The following HELZ2 variants were observed in gnomAD, a reference collection of about 807,000 sequenced individuals.
HELZ2 encodes helicase with zinc finger 2.
Under a neutral mutation model 208.8 loss-of-function variants are expected in HELZ2, and 143 were observed. That is an observed-to-expected ratio of 0.68 (90% CI 0.60 to 0.79). The LOEUF (loss-of-function observed/expected upper bound fraction) is 0.79, where lower values mean the gene tolerates loss of function less well. Ranked by LOEUF, HELZ2 falls within the 30% of genes least tolerant of loss-of-function variation. The pLI, the probability that HELZ2 is intolerant of heterozygous loss-of-function variation, is 0.00. For missense variants in HELZ2, 3,690 were observed against 3,794.5 expected, an observed-to-expected ratio of 0.97 and a Z score of 0.72; for synonymous variants, 1,705 against 1,693.7, an observed-to-expected ratio of 1.01 and a Z score of -0.16.
chr20:63,562,722 T>A, exon 8 of HELZ2: 1 of 1,601,892 alleles, frequency 6.2e-7, no homozygotes, highest in Non-Finnish European at 8.5e-7. Flanking sequence ...GGGTCAACAT[T>A]CAGGCCAGGG....
At chr20:63,566,203 G>A (rs1348915510) in exon 8 of HELZ2, 2 of 1,507,844 alleles carry the variant, frequency 1.3e-6, no homozygotes, top group South Asian at 2.6e-5. Context: ...TGTGCACAGT[G>A]CTGAGCACCA....
At position 63,561,899 on chromosome 20, in the gene HELZ2, G is replaced by GT; in HGVS notation, c.6614_6615insA (p.Arg2206ProfsTer42). 1 of 1,582,546 alleles carries GT rather than the reference G, an allele frequency of 6.3e-7. No individual in the cohort carries two copies. Among genetic ancestry groups the GT allele is most frequent in the Non-Finnish European group, 8.6e-7 (1 of 1,164,064 alleles). ...GACCCCCCAGCCGCTTCTCCCCACGGGGGGGGCCTCCGGGCTGCACCTGCT... is the reference window on the plus strand; with the variant it reads ...GACCCCCCAGCCGCTTCTCCCCACGGTGGGGGGCCTCCGGGCTGCACCTGCT... On this transcript the variant is annotated frameshift_variant, in exon 11 of 19. Coordinates refer to ENST00000467148, the Ensembl canonical transcript of HELZ2. LOFTEE classifies it high-confidence loss of function.
chr20:63,560,999 G>A lies in HELZ2; in HGVS notation c.7147-70C>T, dbSNP rs146867999. 0.032 allele frequency: 50,298 copies of A among 1,594,884 alleles called. 1,284 individuals are homozygous for A. Among genetic ancestry groups the A allele is most frequent in the South Asian group, 0.1 (9,018 of 89,254 alleles). On this transcript the variant is annotated intron_variant, in intron 14 of 18. Coordinates refer to ENST00000467148, the Ensembl canonical transcript of HELZ2. Reference sequence around the variant, plus strand: ...GGGACCCCAGCCCCACACGACACCCGCGTCTGCACACACAGGGCACCCCAG... The same window carrying A: ...GGGACCCCAGCCCCACACGACACCCACGTCTGCACACACAGGGCACCCCAG...
At position 63,567,309 on chromosome 20, in the gene HELZ2, A is replaced by T; in HGVS notation, c.2049T>A (p.Tyr683Ter). The T allele has an allele frequency of 6.2e-7, 1 of 1,609,830 alleles. No homozygotes were observed. The highest frequency in any genetic ancestry group is 1.1e-5 in the South Asian group (1 of 90,940). ...GCACGAGGCGGGTGCCGTGCGAGGCATAGGCCAGCGGGGTGAGGGCCTCGC... is the reference window on the plus strand; with the variant it reads ...GCACGAGGCGGGTGCCGTGCGAGGCTTAGGCCAGCGGGGTGAGGGCCTCGC... The change falls in exon 6 of 19, where the codon TAT (tyrosine) becomes TAA (stop). Residue 683 changes from tyrosine (Y) to a stop codon, truncating the protein, a stop_gained. Coordinates refer to ENST00000467148, the Ensembl canonical transcript of HELZ2. LOFTEE classifies it high-confidence loss of function.
At chr20:63,571,091 G>A in intron 1 of HELZ2, 1 of 505,080 alleles carries the variant, frequency 2.0e-6, no homozygotes, top group Non-Finnish European at 3.5e-6. Context: ...GCCCTCAGCA[G>A]GTGGCAGGGA....
At chr20:63,563,256 G>A (rs760809055) in exon 8 of HELZ2, 27 of 1,559,320 alleles carry the variant, frequency 1.7e-5, no homozygotes, top group Middle Eastern at 1.8e-4. Context: ...AGCTCCCGCC[G>A]CTGGGACGCC....
At position 63,563,916 on chromosome 20, in the gene HELZ2, G is replaced by A. The variant is rs200893476; in HGVS notation, c.4906C>T (p.Arg1636Cys). Residue 1636 changes from arginine to cysteine, a missense_variant, in exon 8 of 19, where the codon CGC becomes TGC. Arg to Cys is a radical substitution (Grantham distance 180). Coordinates refer to ENST00000467148, the Ensembl canonical transcript of HELZ2. ...CGCTCCAGGGCCTTGCGGAGGTCGCGGCCTGCAGGAGCCAGGAATGGGTGC... is the reference window on the plus strand; with the variant it reads ...CGCTCCAGGGCCTTGCGGAGGTCGCAGCCTGCAGGAGCCAGGAATGGGTGC... 88 of 1,593,846 alleles carry A rather than the reference G, an allele frequency of 5.5e-5. No individual in the cohort carries two copies. The highest frequency in any genetic ancestry group is 3.2e-4 in the Admixed American group (19 of 58,842).
At position 63,561,117 on chromosome 20, in the gene HELZ2, G is replaced by T. The variant is rs764576989; in HGVS notation, c.7111C>A (p.Leu2371Ile). 1.2e-5 allele frequency: 20 copies of T among 1,612,916 alleles called. No individual in the cohort carries two copies. The South Asian group carries it at 2.1e-4, about 17-fold the overall frequency. ...TGTGGGAACTGCACCAGGGGGATGA[G>T]GGTTTCAGGTTCCGTGGCCATGCCT... Residue 2371 changes from leucine to isoleucine, a missense_variant, in exon 14 of 19, where the codon CTC becomes ATC. Physicochemically the swap from Leu to Ile is conservative, Grantham distance 5 (BLOSUM62 2). This residue lies in a region of HELZ2 where 2,564 missense variants were observed against 2,580.5 expected (regional missense o/e 0.99). Coordinates refer to ENST00000467148, the Ensembl canonical transcript of HELZ2.
At chr20:63,573,947 G>A (rs2083035364), upstream of HELZ2, among the ~76,000 whole-genome samples, 1 of 152,160 alleles carries the variant, frequency 6.6e-6, no homozygotes, top group African/African-American at 2.4e-5. This position sits in a 1 kb window ranked among gnomAD's most constrained non-coding sequence, Gnocchi z 4.9. Flanking sequence ...GCGCTCCAGT[G>A]GGTGCAGAGA....
At chr20:63,559,398 CAGTCAGGGTCAGGTGG>C (rs2082853035) in intron 18 of HELZ2, 28 bp from the exon 20 acceptor site, 1 of 1,538,032 alleles carries the variant, frequency 6.5e-7, no homozygotes, top group Non-Finnish European at 8.8e-7. Flanking sequence ...AGATGGGAGT[CAGTCAGGGTCAGGTGG>C]GAGGAGTCAG....
Position 63,569,267 on chromosome 20 carries a change from C to T in HELZ2, c.969G>A (p.Leu323=). 4 of 1,572,854 alleles carry T rather than the reference C, an allele frequency of 2.5e-6. No individual in the cohort carries two copies. The South Asian group carries it at 4.6e-5, about 18-fold the overall frequency. ...CGCTGCTGCGGTTGAACTCCAGGGC[C>T]AGGGCAGGGCCCTTGTACTTGGCCA... is the stretch of plus-strand genomic sequence containing the variant. Residue 323 remains leucine, a synonymous_variant, in exon 4 of 19, where the codon CTG becomes CTA. Coordinates refer to ENST00000467148, the Ensembl canonical transcript of HELZ2.
At chr20:63,566,276 T>C in intron 7 of HELZ2, 45 bp from the exon 9 acceptor site, 9 of 1,491,490 alleles carry the variant, frequency 6.0e-6, no homozygotes, top group Non-Finnish European at 8.1e-6. Context: ...CGCAAGACGG[T>C]GGGACCAGCC....
At chr20:63,565,577 C>T (rs761923960) in exon 8 of HELZ2, 2 of 1,608,920 alleles carry the variant, frequency 1.2e-6, no homozygotes, top group South Asian at 2.2e-5. Context: ...CACCTTCTGG[C>T]TCTCGTCCAG....
At chr20:63,561,254 T>G in exon 14 of HELZ2, 1 of 1,612,696 alleles carries the variant, frequency 6.2e-7, no homozygotes, top group East Asian at 2.2e-5. Flanking sequence ...CTTCCGAGCC[T>G]CCCACAAGAC....
chr20:63,564,855 A>ATTTTTTT lies in HELZ2; in HGVS notation c.3966_3967insAAAAAAA (p.Tyr1323LysfsTer35). 1 of 1,611,956 alleles carries ATTTTTTT rather than the reference A, an allele frequency of 6.2e-7. No homozygotes were observed. The highest frequency in any genetic ancestry group is 8.5e-7 in the Non-Finnish European group (1 of 1,179,238). On this transcript the variant is annotated frameshift_variant, in exon 8 of 19. Transcript: ENST00000467148. LOFTEE classifies it high-confidence loss of function. ...GCAACCCGGCCAAGCTCCGTGTGGTATTTCTGCAGCACCTTGGTGATGGTG... is the reference window on the plus strand; with the variant it reads ...GCAACCCGGCCAAGCTCCGTGTGGTATTTTTTTTTTCTGCAGCACCTTGGTGATGGTG...
At chr20:63,563,753 G>C in exon 8 of HELZ2, 1 of 1,601,344 alleles carries the variant, frequency 6.2e-7, no homozygotes, top group Non-Finnish European at 8.5e-7. Context: ...ATGGCCCAGC[G>C]CCAGCAGGAT....
chr20:63,562,348 C>T (rs770566143), exon 9 of HELZ2: 8 of 1,594,804 alleles, frequency 5.0e-6, no homozygotes, highest in Non-Finnish European at 5.1e-6. Context: ...AGCGGGGACG[C>T]CTCCTCTAGT....
At chr20:63,567,781 G>C in intron 5 of HELZ2, 154 bp from the exon 7 acceptor site, 3 of 1,446,630 alleles carry the variant, frequency 2.1e-6, no homozygotes, top group Non-Finnish European at 2.7e-6. Context: ...CTCCTGTCAG[G>C]AGTCCAAGGG....
rs558806359 is a variant in HELZ2 at position 63,563,615 on chromosome 20, T to C, written c.5207A>G (p.Gln1736Arg). Reference sequence around the variant, plus strand: ...CACGAAGCCCAGCTTGTCCAGAGGCTGGGCCTTGAGCTGCACGGCCAGGTG... The same window carrying C: ...CACGAAGCCCAGCTTGTCCAGAGGCCGGGCCTTGAGCTGCACGGCCAGGTG... The change falls in exon 8 of 19, where the codon CAG becomes CGG. Residue 1736 changes from glutamine (Q) to arginine (R), a missense_variant. This residue lies in a region of HELZ2 where 2,564 missense variants were observed against 2,580.5 expected (regional missense o/e 0.99). Transcript: ENST00000467148. The C allele has an allele frequency of 5.8e-6, 9 of 1,539,552 alleles. No individual in the cohort carries two copies. The Admixed American group carries it at 1.6e-4, about 27-fold the overall frequency.
Sources: gnomAD v4.1 joint callset for allele counts (sites outside exome capture counted in the v4.1 genomes callset) on GRCh38, gnomAD v4.1.1 for gene constraint, gnomAD v4.1.1 regional missense constraint, Gnocchi (gnomAD v3.1) non-coding constraint, MANE v1.5 for transcripts, NCBI Gene and HGNC (gene_info 2026-07-23, HGNC 2026-07-21) for gene names.